The following HUNK variants were observed in gnomAD, a reference collection of about 807,000 sequenced individuals.
HUNK encodes hormonally up-regulated Neu-associated kinase.
HUNK carries 21 observed loss-of-function variants against 61.0 expected under a neutral mutation model. The ratio of observed to expected loss-of-function variants is 0.34; its 90% CI spans 0.24 to 0.50. HUNK has a LOEUF of 0.50. Ranked by LOEUF, HUNK falls within the 20% of genes least tolerant of loss-of-function variation. HUNK has a pLI of 0.98. For synonymous variants in HUNK, 371 were observed against 386.1 expected (o/e 0.96, Z 0.46); for missense variants, 772 against 945.7 (o/e 0.82, Z 2.41).
At position 31,968,275 on chromosome 21, in the gene HUNK, C is replaced by T. The variant is rs1474927896; in HGVS notation, c.900C>T (p.Leu300=). The change falls in exon 6 of 11, where the codon CTC becomes CTT. Residue 300 remains leucine (L), a synonymous_variant. Transcript: ENST00000270112. ...GTGCCATCAGTTTCCTGCGCTCTCT[C>T]CTGGAACCGGATCCTGTGAAGAGGC... ...STGAISFLRS[L]LEPDPVKRPN... 4.3e-6 allele frequency: 7 copies of T among 1,614,086 alleles called. No individual in the cohort carries two copies. In the South Asian group the frequency reaches 5.5e-5, roughly 13 times the overall value.
At chr21:31,984,608 A>G (rs1257446840) in intron 8 of HUNK, among the ~76,000 whole-genome samples, 1 of 152,202 alleles carries the variant, frequency 6.6e-6, no homozygotes, top group Non-Finnish European at 1.5e-5. Flanking sequence ...CCTGTAGCAA[A>G]CATCCCACAT....
At chr21:31,946,705 C>T (rs780452038) in intron 4 of HUNK, among the ~76,000 whole-genome samples, 1 of 152,140 alleles carries the variant, frequency 6.6e-6, no homozygotes, top group Non-Finnish European at 1.5e-5. Flanking sequence ...ACCTCCCCTT[C>T]CCAGGTTCAA....
rs772351266 is a variant in HUNK at position 31,924,688 on chromosome 21, C to G, written c.482C>G (p.Ser161Cys). ...TATGAGAAGAAGCGGCTGGAGGAGT[C>G]CGAAGCCCGCAGATACATCCGACAG... The part of the protein sequence containing the change: ...KIYEKKRLEE[S>C]EARRYIRQLI... Residue 161 changes from serine to cysteine, a missense_variant, in exon 2 of 11, where the codon TCC (serine) becomes TGC (cysteine). Ser to Cys is a moderately radical substitution (Grantham distance 112). Around this residue, in one of 2 missense-constraint regions of HUNK, gnomAD observed 359 missense variants for 501.3 expected, o/e 0.72. Coordinates refer to ENST00000270112, the MANE Select transcript of HUNK (RefSeq NM_014586.2). The surrounding 1 kb of genome is among the most constrained non-coding windows in gnomAD (Gnocchi z 5.1). The G allele has an allele frequency of 3.7e-6, 6 of 1,613,932 alleles. No individual in the cohort carries two copies. The Admixed American group carries it at 1.0e-4, about 27-fold the overall frequency.
Position 31,968,720 on chromosome 21 carries a change from G to GAA in HUNK, c.1010+335_1010+336insAA, listed in dbSNP as rs2052986421. ...TTGAGACTAGCTGTGGCCCGAGTGT[G>GAA]TGTGTGTGTGTGTGTGTGTGTGTGT... On this transcript the variant is annotated intron_variant, in intron 6 of 10. Transcript: ENST00000270112. 3.9e-5 allele frequency among the ~76,000 whole-genome samples: 3 copies of GAA among 76,124 alleles called. 1 individual carries two copies. The South Asian group carries it at 1.2e-3, about 30-fold the overall frequency. The allele number at this position is 76,124 out of a possible 152,430, so 49.9% of individuals were successfully genotyped here.
intron 5 of HUNK, among the ~76,000 whole-genome samples, chr21:31,963,237 T>C (rs2052940857): frequency 6.6e-6 from 1 of 152,236 alleles, no homozygotes; most frequent in African/African-American, 2.4e-5. Context: ...AGTCCCTGTT[T>C]ACCAGTGAGG....
intron 1 of HUNK, among the ~76,000 whole-genome samples, chr21:31,894,221 G>A (rs992738511): frequency 6.6e-5 from 10 of 152,148 alleles, no homozygotes; most frequent in South Asian, 2.1e-4. Context: ...TTGTGGAAGC[G>A]AAGGTCATCC....
chr21:31,916,912 A>G (rs1028802038), intron 1 of HUNK, among the ~76,000 whole-genome samples: 9 of 151,714 alleles, frequency 5.9e-5, no homozygotes, highest in African/African-American at 1.9e-4. Context: ...CCTGACCTCA[A>G]GTTATCACCA....
At chr21:31,922,061 G>A (rs546723698) in intron 1 of HUNK, among the ~76,000 whole-genome samples, 29 of 152,254 alleles carry the variant, frequency 1.9e-4, no homozygotes, top group Non-Finnish European at 2.9e-4. Context: ...TTGTTGCCCA[G>A]GCTGGAGTGC....
chr21:31,877,984 C>T lies in HUNK; in HGVS notation c.261+4049C>T, dbSNP rs147790266. Among the ~76,000 whole-genome samples the T allele has an allele frequency of 5.5e-3, 830 of 152,244 alleles. 7 individuals are homozygous for T. The highest frequency in any genetic ancestry group is 6.2e-3 in the Non-Finnish European group (424 of 68,016). On this transcript the variant is annotated intron_variant, in intron 1 of 10. Coordinates refer to ENST00000270112, the MANE Select transcript of HUNK (RefSeq NM_014586.2). Reference sequence around the variant, plus strand: ...AAGTGAGGTCCAGAAACAGGACAGACGTGGTGGCTCATGCCTGTAATCCCA... The same window carrying T: ...AAGTGAGGTCCAGAAACAGGACAGATGTGGTGGCTCATGCCTGTAATCCCA...
chr21:31,888,006 T>C (rs576246058), intron 1 of HUNK, among the ~76,000 whole-genome samples: 11 of 151,974 alleles, frequency 7.2e-5, no homozygotes, highest in African/African-American at 2.7e-4. Flanking sequence ...GGGCCATGTC[T>C]TGGATGCTTT....
chr21:31,946,311 G>A (rs2052802932), intron 4 of HUNK, 140 bp downstream of exon 4: 1 of 849,814 alleles, frequency 1.2e-6, no homozygotes, highest in African/African-American at 1.7e-5. Context: ...TTTGGGGCCT[G>A]GCTTTCCATC....
At chr21:31,875,605 CA>C (rs1224061380) in intron 1 of HUNK, among the ~76,000 whole-genome samples, 1 of 152,202 alleles carries the variant, frequency 6.6e-6, no homozygotes, top group African/African-American at 2.4e-5. Context: ...CTGACTTCCA[CA>C]CTGCGGGTCC....
chr21:31,912,820 C>T (rs891165504), intron 1 of HUNK, among the ~76,000 whole-genome samples: 6 of 152,132 alleles, frequency 3.9e-5, no homozygotes, highest in Admixed American at 6.5e-5. Context: ...AGAGGTCTGT[C>T]GACTCTGCAT....
chr21:31,873,744 G>C lies in HUNK; in HGVS notation c.70G>C (p.Asp24His), dbSNP rs1178646624. 30 of 1,340,362 alleles carry C rather than the reference G, an allele frequency of 2.2e-5. No individual in the cohort carries two copies. Among genetic ancestry groups the C allele is most frequent in the Non-Finnish European group, 2.7e-5 (28 of 1,042,612 alleles). 83.0% of individuals were successfully genotyped at this position (1,340,362 alleles called of 1,614,324 possible). The change falls in exon 1 of 11, where the codon GAC (aspartate) becomes CAC (histidine). Residue 24 changes from aspartate (D) to histidine (H), a missense_variant. By Grantham distance (81) the Asp-to-His change is moderately conservative. Around this residue, in one of 2 missense-constraint regions of HUNK, gnomAD observed 359 missense variants for 501.3 expected, o/e 0.72. Transcript: ENST00000270112. The surrounding 1 kb of genome is among the most constrained non-coding windows in gnomAD (Gnocchi z 6.1). ...GCCTGGGGGCGGCGGCGGCGCGGAG[G>C]ACGCGGCCAGGCCCGCGGCGGCCTG... ...AAPGGGGGAE[D>H]AARPAAACEG...
intron 4 of HUNK, among the ~76,000 whole-genome samples, chr21:31,952,902 C>T (rs932181541): frequency 1.3e-5 from 2 of 152,094 alleles, no homozygotes; most frequent in African/African-American, 4.8e-5. Flanking sequence ...TCATCCCTCT[C>T]ATTTGTTAAG....
At chr21:31,939,466 T>C (rs1221187129) in intron 2 of HUNK, among the ~76,000 whole-genome samples, 2 of 132,130 alleles carry the variant, frequency 1.5e-5, no homozygotes, top group East Asian at 4.7e-4. Flanking sequence ...TGGAGTGCAA[T>C]GGTGCAATCT....
At chr21:31,994,744 C>G (rs1228770749) in intron 9 of HUNK, among the ~76,000 whole-genome samples, 1 of 152,224 alleles carries the variant, frequency 6.6e-6, no homozygotes, top group Non-Finnish European at 1.5e-5. Context: ...ATTAAGCTTT[C>G]TGTAAGCATC....
At chr21:31,883,617 A>G (rs749314355) in intron 1 of HUNK, among the ~76,000 whole-genome samples, 5 of 152,258 alleles carry the variant, frequency 3.3e-5, no homozygotes, top group Non-Finnish European at 7.4e-5. Flanking sequence ...CATTTGCAGA[A>G]GTTATTTCTT....
chr21:31,908,095 A>G (rs906539722), intron 1 of HUNK, among the ~76,000 whole-genome samples: 37 of 152,224 alleles, frequency 2.4e-4, no homozygotes, highest in African/African-American at 8.9e-4. Flanking sequence ...TATGTGTCTC[A>G]CTATGACTAT....
Sources: allele counts gnomAD v4.1 joint callset (sites outside exome capture counted in the v4.1 genomes callset), GRCh38; gene constraint gnomAD v4.1.1; regional missense constraint gnomAD v4.1.1; non-coding constraint Gnocchi (gnomAD v3.1); transcripts MANE v1.5; gene names NCBI Gene and HGNC (gene_info 2026-07-23, HGNC 2026-07-21).